TMEM80: variants seen among roughly 807,000 people sequenced by gnomAD.
TMEM80 encodes the protein transmembrane protein 80.
In TMEM80, 16 loss-of-function variants were observed where a neutral mutation model predicts 13.6. The observed-to-expected ratio is 1.17, with a 90% CI of 0.79 to 1.78. The LOEUF (loss-of-function observed/expected upper bound fraction) is 1.78, where lower values mean the gene tolerates loss of function less well. Among genes scored for constraint, TMEM80 ranks in the 40% most tolerant of loss-of-function variants. The probability of loss-of-function intolerance (pLI) is 0.00; values close to 1 mark genes in which losing one functional copy is unlikely to be tolerated. For missense variants in TMEM80, 167 were observed against 184.6 expected (o/e 0.90, Z 0.55); for synonymous variants, 92 against 89.5 (o/e 1.03, Z -0.16).
chr11:703,833 G>C lies in TMEM80; in HGVS notation c.*683G>C. 8.1e-7 allele frequency: 1 copy of C among 1,234,876 alleles called. No homozygotes were observed. Among genetic ancestry groups the C allele is most frequent in the Non-Finnish European group, 1.0e-6 (1 of 990,236 alleles). The allele number at this position is 1,234,876 out of a possible 1,614,324, so 76.5% of individuals were successfully genotyped here. Reference sequence around the variant, plus strand: ...GAGGAGAGGTCAGGGCTAAGGCCGGGGATGAGACTGCAGGAGAGAGAGCAG... The same window carrying C: ...GAGGAGAGGTCAGGGCTAAGGCCGGCGATGAGACTGCAGGAGAGAGAGCAG... On this transcript the variant is annotated 3_prime_UTR_variant, in exon 5 of 5. Transcript: ENST00000397510.
At chr11:698,507 C>T (rs1010179086) in intron 1 of TMEM80, among the ~76,000 whole-genome samples, 1 of 152,190 alleles carries the variant, frequency 6.6e-6, no homozygotes, top group African/African-American at 2.4e-5. Context: ...GTGGCAAATA[C>T]GGAGAAGCCA....
Position 701,406 on chromosome 11 carries a change from C to CTT in TMEM80, c.226+720_226+721dup, listed in dbSNP as rs71022955. Among the ~76,000 whole-genome samples, 241 of 64,902 alleles carry CTT rather than the reference C, an allele frequency of 3.7e-3. 2 individuals are homozygous for CTT. The highest frequency in any genetic ancestry group is 0.019 in the Middle Eastern group (1 of 52). 42.6% of individuals were successfully genotyped at this position (64,902 alleles called of 152,430 possible). The stretch of plus-strand genomic sequence containing the variant: ...TTTTGGTAGAGACGAGACAAGGTTT[C>CTT]TTTTTTTTTTTTTTTTTTTTTTGAG... On this transcript the variant is annotated intron_variant, in intron 4 of 4. Transcript: ENST00000397510.
Position 700,168 on chromosome 11 carries a change from G to C in TMEM80, c.66G>C (p.Leu22=). 1 of 1,614,148 alleles carries C rather than the reference G, an allele frequency of 6.2e-7. No homozygotes were observed. The highest frequency in any genetic ancestry group is 2.2e-5 in the East Asian group (1 of 44,882). ...TCTCTTCAGTTCCCCTTCAAATGCT[G>C]TTTTATCTCAGCGGAACGTACTACG... ...TVLSSVPLQM[L]FYLSGTYYAL... The change falls in exon 3 of 5, where the codon CTG becomes CTC. Residue 22 remains leucine (L), a synonymous_variant. Transcript: ENST00000397510.
intron 2 of TMEM80, 178 bp from the exon 3 acceptor site, chr11:699,964 C>T: frequency 3.5e-6 from 2 of 578,626 alleles, no homozygotes; most frequent in South Asian, 4.0e-5. Flanking sequence ...CATGGGACCA[C>T]ATTGGCAGCC....
chr11:702,901 G>A lies in TMEM80; in HGVS notation c.227-44G>A, dbSNP rs375562185. On this transcript the variant is annotated intron_variant, in intron 4 of 4. Coordinates refer to ENST00000397510, the MANE Select transcript of TMEM80 (RefSeq NM_001042463.3). ...GCACCTGTGGGCGGTGGGCTCCAGG[G>A]AGCGCCTCGCACCACCTTCCCTCCC... 5.7e-5 allele frequency: 89 copies of A among 1,550,416 alleles called. 1 individual carries two copies. In the Middle Eastern group the frequency reaches 9.5e-4, roughly 16 times the overall value.
At chr11:701,969 T>C (rs2133472413) in intron 4 of TMEM80, among the ~76,000 whole-genome samples, 1 of 152,314 alleles carries the variant, frequency 6.6e-6, no homozygotes, top group Admixed American at 6.5e-5. Flanking sequence ...CATGTGCACC[T>C]AAACACACGT....
chr11:704,482 C>A, downstream of TMEM80: 1 of 1,289,420 alleles, frequency 7.8e-7, no homozygotes, highest in Non-Finnish European at 1.0e-6. Flanking sequence ...GGACCCACTT[C>A]ACACACCAGC....
intron 3 of TMEM80, 109 bp downstream of exon 3, chr11:700,344 T>C (rs1590036440): frequency 2.0e-6 from 2 of 1,018,632 alleles, no homozygotes; most frequent in East Asian, 2.4e-5. Flanking sequence ...CAGGCCAACA[T>C]GGGGAAACCC....
intron 2 of TMEM80, 112 bp downstream of exon 2, chr11:699,000 C>T: frequency 1.5e-6 from 2 of 1,293,534 alleles, no homozygotes; most frequent in Non-Finnish European, 2.2e-6. Flanking sequence ...AGTAATTCCA[C>T]TTTGGAGAGG....
chr11:699,191 A>T, intron 2 of TMEM80: 1 of 469,054 alleles, frequency 2.1e-6, no homozygotes, highest in Non-Finnish European at 3.8e-6. Flanking sequence ...GAAATCCCTC[A>T]CTTTGTCCCT....
chr11:703,882 C>G lies in TMEM80; in HGVS notation c.*732C>G, dbSNP rs954099373. The G allele has an allele frequency of 8.1e-7, 1 of 1,239,020 alleles. No individual in the cohort carries two copies. Among genetic ancestry groups the G allele is most frequent in the Non-Finnish European group, 1.0e-6 (1 of 993,076 alleles). 76.8% of individuals were successfully genotyped at this position (1,239,020 alleles called of 1,614,324 possible). On this transcript the variant is annotated 3_prime_UTR_variant, in exon 5 of 5. Coordinates refer to ENST00000397510, the MANE Select transcript of TMEM80 (RefSeq NM_001042463.3). ...AGCGGAGGGCCACATTCGGAGCCTCCGTCCACTCCAGTTTTATCAGCTTTT... is the reference window on the plus strand; with the variant it reads ...AGCGGAGGGCCACATTCGGAGCCTCGGTCCACTCCAGTTTTATCAGCTTTT...
At chr11:702,802 C>T in intron 4 of TMEM80, 143 bp from the exon 5 acceptor site, 1 of 766,226 alleles carries the variant, frequency 1.3e-6, no homozygotes, top group Non-Finnish European at 2.0e-6. Flanking sequence ...GCCATGGAGG[C>T]TGTTTCCCTG....
chr11:698,549 T>C (rs1457944731), intron 1 of TMEM80, among the ~76,000 whole-genome samples: 1 of 152,122 alleles, frequency 6.6e-6, no homozygotes, highest in Non-Finnish European at 1.5e-5. Flanking sequence ...TGAGAGCAGC[T>C]GTTGGGGTGG....
intron 1 of TMEM80, 72 bp downstream of exon 1, chr11:695,918 G>T (rs1861123067): frequency 8.7e-7 from 1 of 1,146,950 alleles, no homozygotes; most frequent in Non-Finnish European, 1.1e-6. Flanking sequence ...GTGACAATCC[G>T]GTTTCCGCTT....
chr11:700,372 C>T (rs1861391987), intron 3 of TMEM80, 137 bp downstream of exon 3: 5 of 840,770 alleles, frequency 5.9e-6, no homozygotes. Flanking sequence ...ACTAAAAACA[C>T]AAAAAGTAGC....
intron 4 of TMEM80, among the ~76,000 whole-genome samples, chr11:701,998 T>C (rs1365031506): frequency 6.6e-6 from 1 of 152,210 alleles, no homozygotes; most frequent in African/African-American, 2.4e-5. Context: ...AACATTGTCC[T>C]GCCGTGGGGA....
intron 4 of TMEM80, among the ~76,000 whole-genome samples, chr11:702,481 G>A (rs948029681): frequency 1.7e-4 from 26 of 152,266 alleles, no homozygotes; most frequent in Admixed American, 1.5e-3. Context: ...CTCAGCTAGT[G>A]ACTGACCCAT....
chr11:702,034 G>A (rs1861520942), intron 4 of TMEM80, among the ~76,000 whole-genome samples: 1 of 152,194 alleles, frequency 6.6e-6, no homozygotes, highest in African/African-American at 2.4e-5. Flanking sequence ...CCAGGGCGCT[G>A]TGCCCCTGCC....
chr11:697,354 G>A (rs1273393970), intron 1 of TMEM80: 2 of 152,218 alleles, frequency 1.3e-5, no homozygotes, highest in Non-Finnish European at 2.9e-5. Context: ...TTTAACTTCT[G>A]CCTGACACAG....
Sources: allele counts gnomAD v4.1 joint callset (sites outside exome capture counted in the v4.1 genomes callset), GRCh38; gene constraint gnomAD v4.1.1; transcripts MANE v1.5; gene names NCBI Gene and HGNC (gene_info 2026-07-23, HGNC 2026-07-21).